The following ASRGL1 variants were observed in gnomAD, a reference collection of about 807,000 sequenced individuals.
ASRGL1 encodes isoaspartyl peptidase/L-asparaginase.
A neutral mutation model predicts 22.4 loss-of-function variants in ASRGL1; 16 were observed. The ratio of observed to expected loss-of-function variants is 0.71; its 90% CI spans 0.48 to 1.08. The LOEUF is 1.08. ASRGL1 is among the 50% of genes least tolerant of loss of function. The probability of loss-of-function intolerance (pLI) is 0.00; values close to 1 mark genes in which losing one functional copy is unlikely to be tolerated. For missense variants in ASRGL1, 412 were observed against 410.1 expected, an observed-to-expected ratio of 1.00 and a Z score of -0.04; for synonymous variants, 165 against 159.3, an observed-to-expected ratio of 1.04 and a Z score of -0.27.
At chr11:62,375,457 T>TATATAC (rs1565169556) in intron 4 of ASRGL1, among the ~76,000 whole-genome samples, 1 of 111,328 alleles carries the variant, frequency 9.0e-6, no homozygotes, top group African/African-American at 3.3e-5. Flanking sequence ...TATATATATA[T>TATATAC]ATATATATAT....
At chr11:62,344,613 G>A (rs916716244) in intron 2 of ASRGL1, among the ~76,000 whole-genome samples, 2 of 150,912 alleles carry the variant, frequency 1.3e-5, no homozygotes, top group Admixed American at 6.6e-5. Context: ...TTTTTTTGTG[G>A]CTACATAGTA....
intron 4 of ASRGL1, among the ~76,000 whole-genome samples, chr11:62,378,816 T>G (rs993269229): frequency 6.6e-6 from 1 of 152,158 alleles, no homozygotes; most frequent in African/African-American, 2.4e-5. Context: ...GCCACTGATT[T>G]ACCCATACCG....
At chr11:62,362,549 T>A (rs1314371028) in intron 4 of ASRGL1, among the ~76,000 whole-genome samples, 1 of 15,050 alleles carries the variant, frequency 6.6e-5, no homozygotes. Flanking sequence ...ATAAAATATA[T>A]AACATATATT....
At chr11:62,390,679 G>T (rs1947315993) in intron 5 of ASRGL1, among the ~76,000 whole-genome samples, 1 of 152,230 alleles carries the variant, frequency 6.6e-6, no homozygotes. Context: ...GCTGTCCAGT[G>T]TCAGCTCCCT....
chr11:62,392,264 A>G lies in ASRGL1; in HGVS notation c.907A>G (p.Thr303Ala). Reference sequence around the variant, plus strand: ...CTTCGGAATTGATCCTGACGATACTACTATCACCGACCTTCCCTAAGCCGC... The same window carrying G: ...CTTCGGAATTGATCCTGACGATACTGCTATCACCGACCTTCCCTAAGCCGC... ...LHFGIDPDDT[T>A]ITDLP is the part of the protein sequence containing the mutation. Residue 303 changes from threonine (T) to alanine (A), a missense_variant, in exon 7 of 7, where the codon ACT (threonine) becomes GCT (alanine). Coordinates refer to ENST00000415229, the MANE Select transcript of ASRGL1 (RefSeq NM_001083926.2). The G allele has an allele frequency of 6.2e-7, 1 of 1,613,808 alleles. No homozygotes were observed. The highest frequency in any genetic ancestry group is 8.5e-7 in the Non-Finnish European group (1 of 1,180,040).
intron 4 of ASRGL1, among the ~76,000 whole-genome samples, chr11:62,379,838 A>C (rs1257289121): frequency 2.0e-5 from 3 of 152,164 alleles, no homozygotes; most frequent in Non-Finnish European, 4.4e-5. Flanking sequence ...GGAATGCCCC[A>C]GTTTGTTGCA....
At chr11:62,372,134 G>A (rs1254313519) in intron 4 of ASRGL1, 15 of 837,128 alleles carry the variant, frequency 1.8e-5, no homozygotes, top group South Asian at 6.8e-5. Context: ...GTGGAGCTGG[G>A]GTCGAAATGA....
chr11:62,371,206 G>T, intron 4 of ASRGL1: 1 of 1,255,458 alleles, frequency 8.0e-7, no homozygotes, highest in South Asian at 1.6e-5. Context: ...CCACGCCAGG[G>T]CCCAGGAAAC....
intron 4 of ASRGL1, among the ~76,000 whole-genome samples, chr11:62,360,304 A>G (rs1185149207): frequency 6.6e-6 from 1 of 150,610 alleles, no homozygotes; most frequent in Non-Finnish European, 1.5e-5. Flanking sequence ...CTAGGATTAT[A>G]GGTATGAGCC....
chr11:62,359,264 T>C (rs1163753514), intron 4 of ASRGL1, among the ~76,000 whole-genome samples: 1 of 152,130 alleles, frequency 6.6e-6, no homozygotes, highest in Admixed American at 6.5e-5. Context: ...CTGACTAACA[T>C]GGTGAGCCCT....
At chr11:62,384,193 TG>T (rs1377171486) in intron 4 of ASRGL1, among the ~76,000 whole-genome samples, 1 of 151,310 alleles carries the variant, frequency 6.6e-6, no homozygotes, top group Non-Finnish European at 1.5e-5. Context: ...TGGGCAACAG[TG>T]CAAGACTCCG....
At chr11:62,354,315 G>A (rs1046676913) in intron 2 of ASRGL1, among the ~76,000 whole-genome samples, 13 of 152,142 alleles carry the variant, frequency 8.5e-5, no homozygotes, top group Non-Finnish European at 1.3e-4. Context: ...GTAGCCCTCC[G>A]TTATCTATGG....
At chr11:62,352,692 C>G (rs74897600) in intron 2 of ASRGL1, among the ~76,000 whole-genome samples, 1 of 152,138 alleles carries the variant, frequency 6.6e-6, no homozygotes, top group Non-Finnish European at 1.5e-5. Context: ...AGGATATTTG[C>G]GGAATAAAGA....
At position 62,392,582 on chromosome 11, in the gene ASRGL1, A is replaced by AG; in HGVS notation, c.*298_*299insG. ...AGGCCCTGTATCAAAAAAAAAAAAAAAAAGAAAAGGGAAAAAAGAAAGAAA... is the reference window on the plus strand; with the variant it reads ...AGGCCCTGTATCAAAAAAAAAAAAAAGAAAGAAAAGGGAAAAAAGAAAGAAA... On this transcript the variant is annotated 3_prime_UTR_variant, in exon 7 of 7. Transcript: ENST00000415229. 1 of 412,904 alleles carries AG rather than the reference A, an allele frequency of 2.4e-6. No individual in the cohort carries two copies. Among genetic ancestry groups the AG allele is most frequent in the Non-Finnish European group, 4.4e-6 (1 of 227,060 alleles). The allele number at this position is 412,904 out of a possible 1,614,324, so 25.6% of individuals were successfully genotyped here. A position where few individuals can be genotyped will look rare whatever the true frequency, so the allele number is the denominator to read the frequency against.
chr11:62,392,032 T>C, intron 6 of ASRGL1, 47 bp from the exon 7 acceptor site: 1 of 1,590,958 alleles, frequency 6.3e-7, no homozygotes, highest in African/African-American at 1.3e-5. Context: ...TCCCATGAGA[T>C]TCCTTTCAGT....
intron 4 of ASRGL1, among the ~76,000 whole-genome samples, chr11:62,364,245 G>GTGTC (rs34027697): frequency 0.85 from 128,134 of 150,580 alleles, 54,975 homozygotes; most frequent in East Asian, 0.99. Flanking sequence ...TTTATTAAAT[G>GTGTC]TGTGTGTGTG....
intron 4 of ASRGL1, among the ~76,000 whole-genome samples, chr11:62,373,833 T>C (rs1409182995): frequency 2.0e-5 from 3 of 152,228 alleles, no homozygotes; most frequent in Admixed American, 6.5e-5. Context: ...TAGCCACTTA[T>C]ATCTACTTTA....
chr11:62,363,193 A>G (rs894166531), intron 4 of ASRGL1, among the ~76,000 whole-genome samples: 2 of 151,772 alleles, frequency 1.3e-5, no homozygotes, highest in African/African-American at 4.8e-5. Flanking sequence ...TCAGCCTCCC[A>G]AAGTGCTGGG....
intron 4 of ASRGL1, among the ~76,000 whole-genome samples, chr11:62,364,337 A>G (rs1202224553): frequency 2.6e-5 from 4 of 152,166 alleles, no homozygotes; most frequent in Non-Finnish European, 4.4e-5. Context: ...CCTGGTATAC[A>G]CAATAATAAC....
Sources: gnomAD v4.1 joint callset for allele counts (sites outside exome capture counted in the v4.1 genomes callset) on GRCh38, gnomAD v4.1.1 for gene constraint, MANE v1.5 for transcripts, NCBI Gene and HGNC (gene_info 2026-07-23, HGNC 2026-07-21) for gene names.